THAP2: variants seen among roughly 807,000 people sequenced by gnomAD.
The protein encoded by THAP2 is THAP domain containing 2.
THAP2 carries 16 observed loss-of-function variants against 18.8 expected under a neutral mutation model. The ratio of observed to expected loss-of-function variants is 0.85; its 90% CI spans 0.58 to 1.29. The LOEUF is 1.29. Among genes scored for constraint, THAP2 ranks in the 50% most tolerant of loss-of-function variants. The pLI is 0.00. For missense variants in THAP2, 251 were observed against 265.3 expected (o/e 0.95, Z 0.38); for synonymous variants, 80 against 89.2 (o/e 0.90, Z 0.58).
At chr12:71,673,181 T>C (rs1330699610) in intron 1 of THAP2, among the ~76,000 whole-genome samples, 1 of 152,202 alleles carries the variant, frequency 6.6e-6, no homozygotes, top group Admixed American at 6.5e-5. Flanking sequence ...TATTTCATGG[T>C]AGTAAATGAC....
chr12:71,664,949 C>G (rs760077001), intron 1 of THAP2: 6 of 702,258 alleles, frequency 8.5e-6, no homozygotes, highest in South Asian at 5.9e-5. Context: ...CTGCTGTGTT[C>G]CCGTTAAAAT....
At chr12:71,673,608 C>G (rs985995050) in intron 1 of THAP2, among the ~76,000 whole-genome samples, 16 of 152,250 alleles carry the variant, frequency 1.1e-4, no homozygotes, top group African/African-American at 3.9e-4. Flanking sequence ...TGAATCCCTA[C>G]TGTTTGCAAA....
At chr12:71,672,098 A>G (rs1326492405) in intron 1 of THAP2, among the ~76,000 whole-genome samples, 3 of 152,234 alleles carry the variant, frequency 2.0e-5, no homozygotes, top group African/African-American at 7.2e-5. Flanking sequence ...TGTACAAAAC[A>G]GTGTTAGCCT....
intron 1 of THAP2, among the ~76,000 whole-genome samples, chr12:71,673,668 C>T (rs1881477283): frequency 6.6e-6 from 1 of 152,066 alleles, no homozygotes; most frequent in Non-Finnish European, 1.5e-5. Flanking sequence ...ATAATGATCC[C>T]TGTCCTCAAG....
rs1481042171 is a variant in THAP2, at chr12:71,677,053, A to G, written c.632A>G (p.Gln211Arg). The stretch of plus-strand genomic sequence containing the variant: ...TTTAAGATCCTTGAACAAGATCAAC[A>G]AGATAAAACACTGCTAAGTCTAAAT... ...EDFKILEQDQ[Q>R]DKTLLSLNLK... The change falls in exon 3 of 3, where the codon CAA becomes CGA. Residue 211 changes from glutamine to arginine, a missense_variant. Gln to Arg is a conservative substitution (Grantham distance 43, BLOSUM62 1). Transcript: ENST00000308086. 1 of 1,612,776 alleles carries G rather than the reference A, an allele frequency of 6.2e-7. No homozygotes were observed. Among genetic ancestry groups the G allele is most frequent in the Non-Finnish European group, 8.5e-7 (1 of 1,179,300 alleles).
At chr12:71,666,511 T>C (rs1186782705) in intron 1 of THAP2, among the ~76,000 whole-genome samples, 1 of 151,638 alleles carries the variant, frequency 6.6e-6, no homozygotes, top group Non-Finnish European at 1.5e-5. Context: ...AGACCCTGTC[T>C]CAAGAAAAAA....
intron 1 of THAP2, among the ~76,000 whole-genome samples, chr12:71,668,696 T>G (rs1476083125): frequency 6.6e-6 from 1 of 152,208 alleles, no homozygotes; most frequent in East Asian, 1.9e-4. Flanking sequence ...GTGCTTGGAA[T>G]GTATGAGGCA....
rs75270881 is a variant in THAP2, at chr12:71,670,506, G to A, written c.72-3697G>A. On this transcript the variant is annotated intron_variant, in intron 1 of 2. Coordinates refer to ENST00000308086, the MANE Select transcript of THAP2 (RefSeq NM_031435.4). ...CTCCCTCACCACACAGTTGAAAATC[G>A]GAGTATGACTTTTGATTCCCCAAAA... Among the ~76,000 whole-genome samples, 308 of 152,182 alleles carry A rather than the reference G, an allele frequency of 2.0e-3. 1 individual carries two copies. The highest frequency in any genetic ancestry group is 6.9e-3 in the African/African-American group (286 of 41,528).
At chr12:71,674,921 A>G (rs1881498866) in intron 2 of THAP2, among the ~76,000 whole-genome samples, 1 of 152,090 alleles carries the variant, frequency 6.6e-6, no homozygotes, top group South Asian at 2.1e-4. Flanking sequence ...AATGAGAACA[A>G]AAACGAGTGG....
At chr12:71,668,315 C>A (rs1881377517) in intron 1 of THAP2, among the ~76,000 whole-genome samples, 1 of 152,184 alleles carries the variant, frequency 6.6e-6, no homozygotes, top group African/African-American at 2.4e-5. Flanking sequence ...TTATAAGACT[C>A]ATCGACACTT....
chr12:71,667,817 C>T (rs1212481204), intron 1 of THAP2: 1 of 152,192 alleles, frequency 6.6e-6, no homozygotes, highest in Non-Finnish European at 1.5e-5. Context: ...ATCAATATGA[C>T]ATCACTGATT....
intron 1 of THAP2, among the ~76,000 whole-genome samples, chr12:71,673,431 T>TTATA (rs1418060519): frequency 1.3e-5 from 2 of 152,182 alleles, no homozygotes; most frequent in African/African-American, 4.8e-5. Flanking sequence ...CAACTGTACT[T>TTATA]TATATTTGAA....
chr12:71,670,778 A>C (rs1319967393), intron 1 of THAP2, among the ~76,000 whole-genome samples: 1 of 151,830 alleles, frequency 6.6e-6, no homozygotes, highest in Non-Finnish European at 1.5e-5. Context: ...GTCTCTATTA[A>C]AAATACAAAA....
intron 1 of THAP2, among the ~76,000 whole-genome samples, chr12:71,666,191 A>G (rs2137575497): frequency 6.6e-6 from 1 of 152,256 alleles, no homozygotes; most frequent in Admixed American, 6.5e-5. Context: ...GATTGGATAG[A>G]TGAGAGAGGG....
Position 71,676,739 on chromosome 12 carries a change from T to G in THAP2, c.318T>G (p.Ala106=), listed in dbSNP as rs1881525988. ...AGAAAAACAACAGTTGTTCTCCAGC[T>G]GGACCATCTAATTTAAAATCAAACA... is the stretch of plus-strand genomic sequence containing the variant. The part of the protein sequence containing the change: ...LLKKNNSCSP[A]GPSNLKSNIS... The change falls in exon 3 of 3, where the codon GCT becomes GCG. Residue 106 remains alanine, a synonymous_variant. Transcript: ENST00000308086. 3 of 1,604,952 alleles carry G rather than the reference T, an allele frequency of 1.9e-6. No individual in the cohort carries two copies. The highest frequency in any genetic ancestry group is 2.5e-6 in the Non-Finnish European group (3 of 1,176,508).
At position 71,677,059 on chromosome 12, in the gene THAP2, A is replaced by G; in HGVS notation, c.638A>G (p.Lys213Arg). 6.2e-7 allele frequency: 1 copy of G among 1,612,294 alleles called. No homozygotes were observed. Among genetic ancestry groups the G allele is most frequent in the African/African-American group, 1.3e-5 (1 of 74,942 alleles). ...ATCCTTGAACAAGATCAACAAGATAAAACACTGCTAAGTCTAAATCTAAAA... is the reference window on the plus strand; with the variant it reads ...ATCCTTGAACAAGATCAACAAGATAGAACACTGCTAAGTCTAAATCTAAAA... Reference protein sequence around the residue: ...FKILEQDQQDKTLLSLNLKQT... With the variant: ...FKILEQDQQDRTLLSLNLKQT... The change falls in exon 3 of 3, where the codon AAA becomes AGA. Residue 213 changes from lysine (K) to arginine (R), a missense_variant. Lys to Arg is a conservative substitution (Grantham distance 26, BLOSUM62 2). Coordinates refer to ENST00000308086, the MANE Select transcript of THAP2 (RefSeq NM_031435.4).
chr12:71,676,584 C>A, intron 2 of THAP2, 105 bp from the exon 3 acceptor site: 2 of 1,183,888 alleles, frequency 1.7e-6, no homozygotes, highest in Non-Finnish European at 2.3e-6. Context: ...TTAAAATTGA[C>A]TTTTAAAAGA....
At chr12:71,664,918 A>G (rs1382199462) in intron 1 of THAP2, 1 of 702,392 alleles carries the variant, frequency 1.4e-6, no homozygotes, top group Non-Finnish European at 2.6e-6. Context: ...GATCTTCCCA[A>G]TCAGCAATCA....
At chr12:71,666,735 C>A (rs1191516245) in intron 1 of THAP2, among the ~76,000 whole-genome samples, 1 of 151,262 alleles carries the variant, frequency 6.6e-6, no homozygotes, top group African/African-American at 2.4e-5. Context: ...ACTTTTTTTT[C>A]TTTTTCTTTT....
Sources: allele counts gnomAD v4.1 joint callset (sites outside exome capture counted in the v4.1 genomes callset), GRCh38; gene constraint gnomAD v4.1.1; transcripts MANE v1.5; gene names NCBI Gene and HGNC (gene_info 2026-07-23, HGNC 2026-07-21).